The following POSTN variants were observed in gnomAD, a reference collection of about 807,000 sequenced individuals.
POSTN encodes periostin.
Under a neutral mutation model 104.5 loss-of-function variants are expected in POSTN, and 71 were observed. The ratio of observed to expected loss-of-function variants is 0.68; its 90% CI spans 0.56 to 0.83. POSTN has a LOEUF of 0.83. Ranked by LOEUF, POSTN falls within the 40% of genes least tolerant of loss-of-function variation. The probability of loss-of-function intolerance (pLI) is 0.00; values close to 1 mark genes in which losing one functional copy is unlikely to be tolerated. For missense variants in POSTN, 949 were observed against 1,006.8 expected, an observed-to-expected ratio of 0.94 and a Z score of 0.78; for synonymous variants, 355 against 340.7, an observed-to-expected ratio of 1.04 and a Z score of -0.46.
chr13:37,563,396 T>C (rs777924583), intron 22 of POSTN, 26 bp from the exon 23 acceptor site: 31 of 1,496,548 alleles, frequency 2.1e-5, no homozygotes, highest in Middle Eastern at 1.8e-4. Context: ...GGAGAATGTA[T>C]AGACTGTAAA....
At chr13:37,586,972 C>G (rs369694919) in intron 5 of POSTN, 44 bp from the exon 6 acceptor site, 476 of 1,580,770 alleles carry the variant, frequency 3.0e-4, no homozygotes, top group Non-Finnish European at 3.9e-4. Context: ...CCAGAGATAC[C>G]CATTGACCAC....
chr13:37,595,609 C>T (rs1951061772), intron 2 of POSTN, among the ~76,000 whole-genome samples: 1 of 152,108 alleles, frequency 6.6e-6, no homozygotes, highest in Non-Finnish European at 1.5e-5. Flanking sequence ...GGCATCTGGT[C>T]ACAACTTCCT....
intron 2 of POSTN, among the ~76,000 whole-genome samples, chr13:37,593,298 AATTAT>A (rs1451011197): frequency 6.7e-6 from 1 of 149,348 alleles, no homozygotes; most frequent in African/African-American, 2.4e-5. Context: ...ATTAATGTAT[AATTAT>A]ATTATTAATA....
intron 9 of POSTN, among the ~76,000 whole-genome samples, chr13:37,583,202 T>C (rs1476510850): frequency 6.6e-6 from 1 of 152,216 alleles, no homozygotes; most frequent in Non-Finnish European, 1.5e-5. Flanking sequence ...AATATTTATA[T>C]ATACTATTTT....
chr13:37,588,836 A>G (rs1950837772), intron 4 of POSTN, among the ~76,000 whole-genome samples: 2 of 152,314 alleles, frequency 1.3e-5, no homozygotes, highest in African/African-American at 2.4e-5. Flanking sequence ...TAAACTGGCC[A>G]TAAGGAACCA....
At chr13:37,586,656 A>C in intron 6 of POSTN, 126 bp downstream of exon 6, 1 of 848,856 alleles carries the variant, frequency 1.2e-6, no homozygotes, top group South Asian at 1.8e-5. Flanking sequence ...AAATGAAAAT[A>C]GTAGTCCTTT....
intron 19 of POSTN, 90 bp from the exon 20 acceptor site, chr13:37,569,911 G>T: frequency 2.4e-6 from 2 of 838,236 alleles, no homozygotes; most frequent in Non-Finnish European, 3.9e-6. Flanking sequence ...ACACTTGTGG[G>T]CCATGTAGTC....
intron 11 of POSTN, 62 bp downstream of exon 11, chr13:37,580,499 C>T: frequency 6.3e-7 from 1 of 1,591,492 alleles, no homozygotes; most frequent in African/African-American, 1.3e-5. Flanking sequence ...GGGATACCGC[C>T]TATGAAACAA....
In POSTN at chr13:37,562,873, T is replaced by TA. The variant is rs1949971953; in HGVS notation, c.*459dup. Reference sequence around the variant, plus strand: ...TAGAAATGTGCAAAGCCTTTTGATATAAAAAGTTTTGTACACCAAGCACCT... The same window carrying TA: ...TAGAAATGTGCAAAGCCTTTTGATATAAAAAAGTTTTGTACACCAAGCACCT... On this transcript the variant is annotated 3_prime_UTR_variant, in exon 23 of 23. Coordinates refer to ENST00000379747, the MANE Select transcript of POSTN (RefSeq NM_006475.3). 6.6e-6 allele frequency: 1 copy of TA among 152,402 alleles called. No individual in the cohort carries two copies. Among genetic ancestry groups the TA allele is most frequent in the Admixed American group, 6.5e-5 (1 of 15,294 alleles). 9.4% of individuals were successfully genotyped at this position (152,402 alleles called of 1,614,324 possible).
chr13:37,587,807 A>C lies in POSTN; in HGVS notation c.606+15T>G. 6.6e-7 allele frequency: 1 copy of C among 1,526,190 alleles called. No individual in the cohort carries two copies. The highest frequency in any genetic ancestry group is 8.9e-7 in the Non-Finnish European group (1 of 1,118,494). 94.5% of individuals were successfully genotyped at this position (1,526,190 alleles called of 1,614,324 possible). ...GGTATTTTTCATAAGTGTACTTTTTACTGATAAAACTTACCCCATTAGGAT... is the reference window on the plus strand; with the variant it reads ...GGTATTTTTCATAAGTGTACTTTTTCCTGATAAAACTTACCCCATTAGGAT... On this transcript the variant is annotated intron_variant, in intron 5 of 22. Coordinates refer to ENST00000379747, the MANE Select transcript of POSTN (RefSeq NM_006475.3).
At chr13:37,589,322 T>A (rs1014146576) in intron 4 of POSTN, among the ~76,000 whole-genome samples, 1 of 152,180 alleles carries the variant, frequency 6.6e-6, no homozygotes, top group East Asian at 1.9e-4. Flanking sequence ...GAAATTCTTA[T>A]AAGTTCCATT....
At position 37,586,120 on chromosome 13, in the gene POSTN, G is replaced by A. The variant is rs188228405; in HGVS notation, c.895+19C>T. On this transcript the variant is annotated intron_variant, in intron 7 of 22. Transcript: ENST00000379747. Reference sequence around the variant, plus strand: ...TCAGAATGCTGGGAGACTCCTTAGAGATGAAGACATTAAACTACCTTCGGA... The same window carrying A: ...TCAGAATGCTGGGAGACTCCTTAGAAATGAAGACATTAAACTACCTTCGGA... 4,712 of 1,603,066 alleles carry A rather than the reference G, an allele frequency of 2.9e-3. 18 individuals carry two copies. Among genetic ancestry groups the A allele is most frequent in the Non-Finnish European group, 3.5e-3 (4,090 of 1,173,724 alleles).
Position 37,584,902 on chromosome 13 carries a change from T to C in POSTN, c.922A>G (p.Thr308Ala). Residue 308 changes from threonine to alanine, a missense_variant, in exon 8 of 23, where the codon ACT becomes GCT. Transcript: ENST00000379747. ...EALMKYHILN[T>A]LQCSESIMGG... is the part of the protein sequence containing the mutation. ...ATAATAGACTCAGAACACTGGAGAGTATTTAAGATGTGGTACTTCATAAGA... is the reference window on the plus strand; with the variant it reads ...ATAATAGACTCAGAACACTGGAGAGCATTTAAGATGTGGTACTTCATAAGA... The C allele has an allele frequency of 1.2e-6, 2 of 1,613,626 alleles. No homozygotes were observed. Among genetic ancestry groups the C allele is most frequent in the Non-Finnish European group, 1.7e-6 (2 of 1,179,884 alleles).
At chr13:37,577,437 T>C (rs1009668739) in intron 16 of POSTN, among the ~76,000 whole-genome samples, 8 of 152,222 alleles carry the variant, frequency 5.3e-5, no homozygotes, top group African/African-American at 1.7e-4. Flanking sequence ...AATTTTTAGA[T>C]ATTTCTAGAG....
chr13:37,563,245 T>A lies in POSTN; in HGVS notation c.*88A>T, dbSNP rs916652997. 2.7e-6 allele frequency: 2 copies of A among 751,398 alleles called. No homozygotes were observed. Among genetic ancestry groups the A allele is most frequent in the African/African-American group, 1.8e-5 (1 of 56,680 alleles). The allele number at this position is 751,398 out of a possible 1,614,324, so 46.5% of individuals were successfully genotyped here. A position where few individuals can be genotyped will look rare whatever the true frequency, so the allele number is the denominator to read the frequency against. On this transcript the variant is annotated 3_prime_UTR_variant, in exon 23 of 23. Transcript: ENST00000379747. ...TGCTTCTTTGTGCTGATGTTTCAGT[T>A]CCTGAAGTCAACTTGGCTCTCACAA... is the stretch of plus-strand genomic sequence containing the variant.
In POSTN at chr13:37,580,960, A is replaced by T. The variant is rs189443343; in HGVS notation, c.1393-263T>A. On this transcript the variant is annotated intron_variant, in intron 10 of 22. Coordinates refer to ENST00000379747, the MANE Select transcript of POSTN (RefSeq NM_006475.3). ...TTTGTCAATAAATTACAAAAGTTCC[A>T]TGGAATCCCACTTCTACATTTTTTA... 1.7e-4 allele frequency among the ~76,000 whole-genome samples: 26 copies of T among 152,274 alleles called. No homozygotes were observed. The East Asian group carries it at 5.0e-3, about 29-fold the overall frequency.
chr13:37,585,198 C>T (rs1298764758), intron 7 of POSTN, among the ~76,000 whole-genome samples: 1 of 152,096 alleles, frequency 6.6e-6, no homozygotes, highest in Non-Finnish European at 1.5e-5. Flanking sequence ...GGTTAAGTTC[C>T]AGCTATCATA....
At chr13:37,581,198 A>G (rs1950579500) in intron 10 of POSTN, among the ~76,000 whole-genome samples, 1 of 152,196 alleles carries the variant, frequency 6.6e-6, no homozygotes, top group Non-Finnish European at 1.5e-5. Context: ...ATATATTTGT[A>G]TATACAAAAT....
chr13:37,592,070 C>G (rs761559829), intron 3 of POSTN, 30 bp downstream of exon 3: 3 of 1,513,624 alleles, frequency 2.0e-6, no homozygotes, highest in Non-Finnish European at 2.8e-6. Context: ...CATATAATTC[C>G]TTATTTAATT....
Sources: gnomAD v4.1 joint callset for allele counts (sites outside exome capture counted in the v4.1 genomes callset) on GRCh38, gnomAD v4.1.1 for gene constraint, MANE v1.5 for transcripts, NCBI Gene and HGNC (gene_info 2026-07-23, HGNC 2026-07-21) for gene names.